SUGCT: variants seen among roughly 807,000 people sequenced by gnomAD.
SUGCT encodes the protein succinyl-CoA:glutarate CoA-transferase.
Under a neutral mutation model 55.0 loss-of-function variants are expected in SUGCT, and 41 were observed. The ratio of observed to expected loss-of-function variants is 0.74; its 90% CI spans 0.58 to 0.97. The LOEUF is 0.97. Ranked by LOEUF, SUGCT falls within the 50% of genes least tolerant of loss-of-function variation. The pLI, the probability that SUGCT is intolerant of heterozygous loss-of-function variation, is 0.00. For missense variants in SUGCT, 568 were observed against 547.8 expected, an observed-to-expected ratio of 1.04 and a Z score of -0.37; for synonymous variants, 187 against 200.4, an observed-to-expected ratio of 0.93 and a Z score of 0.56.
At chr7:40,765,723 A>G (rs1339244483) in intron 13 of SUGCT, among the ~76,000 whole-genome samples, 3 of 152,194 alleles carry the variant, frequency 2.0e-5, no homozygotes, top group Non-Finnish European at 4.4e-5. Flanking sequence ...AGGCCCATAC[A>G]GGGGGAAGAA....
intron 9 of SUGCT, among the ~76,000 whole-genome samples, chr7:40,366,147 A>G (rs1267346366): frequency 6.6e-6 from 1 of 152,202 alleles, no homozygotes; most frequent in Non-Finnish European, 1.5e-5. Flanking sequence ...AAACCTGACA[A>G]AAACAAGAAA....
rs1562729010 is a variant in SUGCT at position 40,377,225 on chromosome 7, T to TC, written c.816+60371dup. The stretch of plus-strand genomic sequence containing the variant: ...TTTCTTTTCTTTTCTTTCTTTTCTT[T>TC]CTTTCTTCCCTTCCTTCCTTCCTTC... On this transcript the variant is annotated intron_variant, in intron 9 of 13. Coordinates refer to ENST00000335693, the MANE Select transcript of SUGCT (RefSeq NM_001193313.2). Among the ~76,000 whole-genome samples the TC allele has an allele frequency of 1.0e-3, 23 of 22,106 alleles. 4 individuals are homozygous for TC. Among genetic ancestry groups the TC allele is most frequent in the Non-Finnish European group, 2.4e-3 (18 of 7,588 alleles). The allele number at this position is 22,106 out of a possible 152,430, so 14.5% of individuals were successfully genotyped here.
At chr7:40,963,091 G>A in the SUGCT span, among the ~76,000 whole-genome samples, 2 of 152,142 alleles carry the variant, frequency 1.3e-5, no homozygotes, top group East Asian at 1.9e-4. Flanking sequence ...ACTTTCACAT[G>A]TTGTCTCTTC....
intron 13 of SUGCT, among the ~76,000 whole-genome samples, chr7:40,840,272 C>T (rs140386371): frequency 2.6e-5 from 4 of 152,224 alleles, no homozygotes; most frequent in South Asian, 4.1e-4. Flanking sequence ...CTTTCATACC[C>T]TCTTGGTATA....
intron 8 of SUGCT, among the ~76,000 whole-genome samples, chr7:40,312,968 C>T (rs1207481528): frequency 2.0e-5 from 3 of 152,036 alleles, no homozygotes; most frequent in Admixed American, 6.6e-5. Flanking sequence ...GATCCTCATT[C>T]GGTGGAAGTG....
chr7:40,263,372 A>G (rs1057506118), intron 7 of SUGCT, among the ~76,000 whole-genome samples: 63 of 152,372 alleles, frequency 4.1e-4, no homozygotes, highest in African/African-American at 1.4e-3. Flanking sequence ...AGATCTGAAT[A>G]CAGCTTATTA....
intron 6 of SUGCT, among the ~76,000 whole-genome samples, chr7:40,207,941 A>G (rs1202074243): frequency 1.3e-5 from 2 of 152,322 alleles, no homozygotes; most frequent in East Asian, 1.9e-4. Flanking sequence ...TAAAACATCA[A>G]AGCAACCCAA....
At chr7:40,554,527 CTA>C (rs923656217) in intron 12 of SUGCT, among the ~76,000 whole-genome samples, 1 of 152,124 alleles carries the variant, frequency 6.6e-6, no homozygotes, top group Non-Finnish European at 1.5e-5. Context: ...CTTCTCTGTA[CTA>C]TGTTTTATTG....
intron 13 of SUGCT, among the ~76,000 whole-genome samples, chr7:40,848,751 C>T (rs569485778): frequency 2.0e-4 from 30 of 152,234 alleles, no homozygotes; most frequent in Admixed American, 6.5e-4. Context: ...CGCCTGGTCC[C>T]GTAAGCAGTG....
chr7:40,667,382 A>G (rs909054861), intron 12 of SUGCT, among the ~76,000 whole-genome samples: 3 of 152,194 alleles, frequency 2.0e-5, no homozygotes, highest in African/African-American at 7.2e-5. Flanking sequence ...GTCTATGTTC[A>G]TCGGGGTGTT....
intron 5 of SUGCT, among the ~76,000 whole-genome samples, chr7:40,192,630 CTTTTTTT>C (rs748789860): frequency 7.4e-6 from 1 of 134,814 alleles, no homozygotes; most frequent in Non-Finnish European, 1.6e-5. Context: ...TTCTTTCTTT[CTTTTTTT>C]TTTTTTTTTT....
chr7:40,195,769 T>G (rs1454822173), intron 6 of SUGCT, among the ~76,000 whole-genome samples: 2 of 147,562 alleles, frequency 1.4e-5, no homozygotes, highest in African/African-American at 5.0e-5. Flanking sequence ...GCCTGGAGTT[T>G]AGTGGCATGA....
At chr7:40,521,163 G>C (rs1277998485) in intron 12 of SUGCT, among the ~76,000 whole-genome samples, 1 of 152,126 alleles carries the variant, frequency 6.6e-6, no homozygotes, top group East Asian at 1.9e-4. Context: ...ATGGGGCCTG[G>C]TGGGAGGTGA....
At chr7:40,836,860 AAG>A (rs1245437967) in intron 13 of SUGCT, among the ~76,000 whole-genome samples, 4 of 152,160 alleles carry the variant, frequency 2.6e-5, no homozygotes, top group Non-Finnish European at 4.4e-5. Context: ...CACCTACTGA[AAG>A]ATATTTGTTT....
In SUGCT at chr7:40,383,996, C is replaced by A. The variant is rs1784995668; in HGVS notation, c.817-65291C>A. 2.6e-5 allele frequency among the ~76,000 whole-genome samples: 4 copies of A among 152,136 alleles called. 1 individual carries two copies. The highest frequency in any genetic ancestry group is 5.9e-5 in the Non-Finnish European group (4 of 68,026). On this transcript the variant is annotated intron_variant, in intron 9 of 13. Transcript: ENST00000335693. ...GAGGCTCAGTCCTTTGGATGTTAAT[C>A]CAACTGGGATGGTGTAACTAAATAA...
intron 9 of SUGCT, among the ~76,000 whole-genome samples, chr7:40,372,275 C>CT (rs914651251): frequency 6.6e-6 from 1 of 152,016 alleles, no homozygotes; most frequent in African/African-American, 2.4e-5. Context: ...ATTTTGAAGA[C>CT]TGATTGAGGC....
intron 9 of SUGCT, 40 bp downstream of exon 9, chr7:40,316,895 G>T: frequency 2.0e-6 from 2 of 1,004,758 alleles, no homozygotes; most frequent in Non-Finnish European, 2.8e-6. Context: ...GTTGTAATTT[G>T]CAGTTTTATA....
chr7:40,371,486 GCTTTT>G (rs1784292821), intron 9 of SUGCT, among the ~76,000 whole-genome samples: 1 of 152,106 alleles, frequency 6.6e-6, no homozygotes, highest in South Asian at 2.1e-4. Context: ...GGCAACACAT[GCTTTT>G]TTGTGCACTT....
chr7:40,961,153 A>G, the SUGCT span, among the ~76,000 whole-genome samples: 12 of 152,254 alleles, frequency 7.9e-5, no homozygotes, highest in Non-Finnish European at 1.8e-4. Flanking sequence ...GTTACTTTAA[A>G]TCACATAGTG....
Sources: allele counts gnomAD v4.1 joint callset (sites outside exome capture counted in the v4.1 genomes callset), GRCh38; gene constraint gnomAD v4.1.1; transcripts MANE v1.5; gene names NCBI Gene and HGNC (gene_info 2026-07-23, HGNC 2026-07-21).